Variants in ATXN7 observed in about 807,000 individuals in gnomAD.
ATXN7 encodes the protein ataxin 7, also known as ataxin-7.
Under a neutral mutation model 70.5 loss-of-function variants are expected in ATXN7, and 12 were observed. The ratio of observed to expected loss-of-function variants is 0.17; its 90% CI spans 0.11 to 0.28. The LOEUF is 0.28. Among genes scored for constraint, ATXN7 ranks in the 10% least tolerant of loss-of-function variants. The probability of loss-of-function intolerance (pLI) is 1.00; values close to 1 mark genes in which losing one functional copy is unlikely to be tolerated. For missense variants in ATXN7, 1,256 were observed against 1,131.7 expected (o/e 1.11, Z -1.58); for synonymous variants, 498 against 448.7 (o/e 1.11, Z -1.39).
At chr3:63,945,052 G>A (rs768323340) in intron 4 of ATXN7, among the ~76,000 whole-genome samples, 4 of 152,136 alleles carry the variant, frequency 2.6e-5, no homozygotes, top group Non-Finnish European at 4.4e-5. Context: ...TCGGCCTCCC[G>A]AAGTGCTGGG....
intron 1 of ATXN7, among the ~76,000 whole-genome samples, chr3:63,866,365 C>T (rs550577356): frequency 1.2e-4 from 18 of 152,348 alleles, no homozygotes; most frequent in Admixed American, 1.1e-3. Context: ...ATCCTCCCAT[C>T]TCAGCCTACC....
chr3:63,988,089 C>T lies in ATXN7; in HGVS notation c.1126C>T (p.Gln376Ter). 1 of 1,613,994 alleles carries T rather than the reference C, an allele frequency of 6.2e-7. No individual in the cohort carries two copies. Residue 376 changes from glutamine to a stop codon, truncating the protein, a stop_gained, in exon 9 of 13, where the codon CAG (glutamine) becomes TAG (stop). Transcript: ENST00000674280. LOFTEE classifies it high-confidence loss of function. Reference sequence around the variant, plus strand: ...TTCCTTAACCCAGCGCAGGGCTGTCCAGGGTAGAAGAAAACGATTTGATGT... The same window carrying T: ...TTCCTTAACCCAGCGCAGGGCTGTCTAGGGTAGAAGAAAACGATTTGATGT... ...THSLTQRRAVQGRRKRFDVLL... is the reference protein window; with the variant it reads ...THSLTQRRAV
intron 4 of ATXN7, among the ~76,000 whole-genome samples, chr3:63,923,813 AAGC>A (rs927835354): frequency 6.6e-6 from 1 of 152,104 alleles, no homozygotes; most frequent in Non-Finnish European, 1.5e-5. Context: ...AAAAAGAAAG[AAGC>A]AGCCATCAGA....
At chr3:63,970,537 ATG>A (rs1347960013) in intron 5 of ATXN7, among the ~76,000 whole-genome samples, 1 of 152,152 alleles carries the variant, frequency 6.6e-6, no homozygotes, top group Non-Finnish European at 1.5e-5. Flanking sequence ...CCTTTTACAA[ATG>A]TTTGCAAAAA....
intron 4 of ATXN7, among the ~76,000 whole-genome samples, chr3:63,931,650 A>G (rs1248026832): frequency 1.3e-5 from 2 of 151,900 alleles, no homozygotes; most frequent in African/African-American, 4.8e-5. Flanking sequence ...TTATTTTTTC[A>G]AATACCCTTG....
intron 1 of ATXN7, among the ~76,000 whole-genome samples, chr3:63,884,273 T>G (rs1236132516): frequency 6.6e-6 from 1 of 151,188 alleles, no homozygotes; most frequent in Non-Finnish European, 1.5e-5. Flanking sequence ...TCATTCACTC[T>G]CTCTCTCTCC....
At chr3:63,880,428 C>A (rs1443155427) in intron 1 of ATXN7, among the ~76,000 whole-genome samples, 1 of 152,170 alleles carries the variant, frequency 6.6e-6, no homozygotes, top group Non-Finnish European at 1.5e-5. Context: ...TCAGAGTGAG[C>A]CTTTCATTGC....
In ATXN7 at chr3:63,979,951, C is replaced by A; in HGVS notation, c.536C>A (p.Ala179Asp). 6.2e-7 allele frequency: 1 copy of A among 1,614,202 alleles called. No homozygotes were observed. The highest frequency in any genetic ancestry group is 8.5e-7 in the Non-Finnish European group (1 of 1,180,014). ...RHSSSSKPPL[A>D]VPPTSVFSFF... ...AGCTCATCCAGCAAGCCGCCTTTGG[C>A]CGTTCCTCCCACTTCAGTATTTTCC... Residue 179 changes from alanine to aspartate, a missense_variant, in exon 6 of 13, where the codon GCC (alanine) becomes GAC (aspartate). Coordinates refer to ENST00000674280, the MANE Select transcript of ATXN7 (RefSeq NM_001377405.1).
At chr3:63,979,186 G>A (rs1411733430) in intron 5 of ATXN7, among the ~76,000 whole-genome samples, 1 of 152,194 alleles carries the variant, frequency 6.6e-6, no homozygotes, top group Non-Finnish European at 1.5e-5. Context: ...TTTGTAGTCT[G>A]TACTTAACCA....
chr3:63,956,601 A>C (rs1159267264), intron 5 of ATXN7, among the ~76,000 whole-genome samples: 2 of 152,034 alleles, frequency 1.3e-5, no homozygotes, highest in African/African-American at 4.8e-5. Flanking sequence ...ATTTCCAGAG[A>C]TAGAACCCAG....
At position 63,988,226 on chromosome 3, in the gene ATXN7, G is replaced by A. The variant is rs781123261; in HGVS notation, c.1263G>A (p.Thr421=). 56 of 1,613,866 alleles carry A rather than the reference G, an allele frequency of 3.5e-5. No homozygotes were observed. The highest frequency in any genetic ancestry group is 1.6e-4 in the Middle Eastern group (1 of 6,084). ...ACCCGCATCCCGCCCCTCCTAGAAC[G>A]TCACAGGAGCCGCACCAAAACCCTC... ...LRDPHPAPPR[T]SQEPHQNPHG... The change falls in exon 9 of 13, where the codon ACG becomes ACA. Residue 421 remains threonine, a synonymous_variant. Transcript: ENST00000674280.
At chr3:63,885,981 T>C (rs1356221186) in intron 1 of ATXN7, among the ~76,000 whole-genome samples, 1 of 152,134 alleles carries the variant, frequency 6.6e-6, no homozygotes, top group African/African-American at 2.4e-5. Context: ...CACGCCACTA[T>C]ACTCCAGAGC....
At chr3:63,924,709 A>G (rs1255774104) in intron 4 of ATXN7, among the ~76,000 whole-genome samples, 1 of 152,070 alleles carries the variant, frequency 6.6e-6, no homozygotes, top group Non-Finnish European at 1.5e-5. Context: ...CTTAATCTGG[A>G]GAGTTGGGGA....
chr3:63,886,171 A>G (rs1369953355), intron 1 of ATXN7, among the ~76,000 whole-genome samples: 2 of 152,198 alleles, frequency 1.3e-5, no homozygotes, highest in East Asian at 3.8e-4. Flanking sequence ...TACTGCAGGA[A>G]TCTCACTTAC....
rs1704099089 is a variant in ATXN7, at chr3:63,912,800, G to T, written c.202G>T (p.Ala68Ser). The T allele has an allele frequency of 6.4e-7, 1 of 1,552,370 alleles. No individual in the cohort carries two copies. The highest frequency in any genetic ancestry group is 1.4e-5 in the African/African-American group (1 of 70,120). The part of the protein sequence containing the change: ...TRPEDGGPGA[A>S]STSAAAMATV... ...GCCGGAGGACGGCGGGCCCGGCGCC[G>T]CCTCCACCTCGGCCGCCGCAATGGC... The change falls in exon 3 of 13, where the codon GCC becomes TCC. Residue 68 changes from alanine (A) to serine (S), a missense_variant. Transcript: ENST00000674280.
intron 4 of ATXN7, among the ~76,000 whole-genome samples, chr3:63,915,104 T>C (rs1013111486): frequency 2.6e-5 from 4 of 152,108 alleles, no homozygotes; most frequent in African/African-American, 9.7e-5. Context: ...ACCCAGCTAA[T>C]TTTTTGTGTT....
intron 4 of ATXN7, among the ~76,000 whole-genome samples, chr3:63,914,472 T>A (rs995098367): frequency 6.6e-6 from 1 of 152,150 alleles, no homozygotes; most frequent in Non-Finnish European, 1.5e-5. Flanking sequence ...ACAGGACTTG[T>A]TGATGATGTT....
At chr3:63,931,655 C>A (rs896602165) in intron 4 of ATXN7, among the ~76,000 whole-genome samples, 1 of 152,098 alleles carries the variant, frequency 6.6e-6, no homozygotes, top group African/African-American at 2.4e-5. Flanking sequence ...TTTTCAAATA[C>A]CCTTGACTGT....
Position 64,000,842 on chromosome 3 carries a change from A to G in ATXN7, c.*1375A>G, listed in dbSNP as rs1414776372. ...AAGAAAGACCTTAATATGTTAAAAC[A>G]GCATTGCTTGGAGAAGGTGTCATTG... On this transcript the variant is annotated 3_prime_UTR_variant, in exon 13 of 13. Coordinates refer to ENST00000674280, the MANE Select transcript of ATXN7 (RefSeq NM_001377405.1). 8.0e-6 allele frequency: 1 copy of G among 124,976 alleles called. No homozygotes were observed. Among genetic ancestry groups the G allele is most frequent in the Non-Finnish European group, 1.6e-5 (1 of 63,288 alleles). 7.7% of individuals were successfully genotyped at this position (124,976 alleles called of 1,614,324 possible).
Sources: gnomAD v4.1 joint callset for allele counts (sites outside exome capture counted in the v4.1 genomes callset) on GRCh38, gnomAD v4.1.1 for gene constraint, MANE v1.5 for transcripts, NCBI Gene and HGNC (gene_info 2026-07-23, HGNC 2026-07-21) for gene names.